The following LRMDA variants were observed in gnomAD, a reference collection of about 807,000 sequenced individuals.
LRMDA encodes the protein leucine rich melanocyte differentiation associated.
Under a neutral mutation model 29.8 loss-of-function variants are expected in LRMDA, and 18 were observed. The ratio of observed to expected loss-of-function variants is 0.60; its 90% CI spans 0.42 to 0.90. LRMDA has a LOEUF of 0.90. Among genes scored for constraint, LRMDA ranks in the 40% least tolerant of loss-of-function variants. The pLI is 0.00. For synonymous variants in LRMDA, 125 were observed against 109.4 expected (o/e 1.14, Z -0.89); for missense variants, 273 against 273.9 (o/e 1.00, Z 0.02).
At chr10:76,474,753 C>G (rs78312761) in intron 6 of LRMDA, among the ~76,000 whole-genome samples, 248 of 151,604 alleles carry the variant, frequency 1.6e-3, no homozygotes, top group African/African-American at 5.1e-3. Context: ...AACTGGAACC[C>G]TCATACATTG....
intron 6 of LRMDA, among the ~76,000 whole-genome samples, chr10:76,372,800 C>T (rs1438072804): frequency 6.6e-6 from 1 of 152,018 alleles, no homozygotes; most frequent in East Asian, 1.9e-4. Flanking sequence ...AGTACCTCAT[C>T]TTGCAATATG....
intron 5 of LRMDA, among the ~76,000 whole-genome samples, chr10:76,177,211 C>T (rs1278775412): frequency 6.6e-6 from 1 of 152,206 alleles, no homozygotes; most frequent in Non-Finnish European, 1.5e-5. Flanking sequence ...AGTACTTTTC[C>T]TTGCAGCTGC....
intron 2 of LRMDA, among the ~76,000 whole-genome samples, chr10:75,586,832 T>TA (rs1840662302): frequency 6.6e-6 from 1 of 151,860 alleles, no homozygotes; most frequent in African/African-American, 2.4e-5. Flanking sequence ...TTTTTTTTTT[T>TA]AACTATTCAG....
chr10:75,968,487 A>C (rs1263782308), intron 2 of LRMDA, among the ~76,000 whole-genome samples: 1 of 152,194 alleles, frequency 6.6e-6, no homozygotes, highest in Non-Finnish European at 1.5e-5. Flanking sequence ...TGATAGAGGG[A>C]AGGCTGCACA....
At chr10:76,022,656 C>G (rs1847994163) in intron 2 of LRMDA, among the ~76,000 whole-genome samples, 1 of 152,148 alleles carries the variant, frequency 6.6e-6, no homozygotes, top group Admixed American at 6.5e-5. Flanking sequence ...AATAATCTTC[C>G]TTACTTTGCT....
chr10:76,542,213 G>A (rs530800151), intron 6 of LRMDA, among the ~76,000 whole-genome samples: 1 of 152,300 alleles, frequency 6.6e-6, no homozygotes, highest in East Asian at 1.9e-4. Flanking sequence ...ATGTATAATA[G>A]ATGACCTGCA....
chr10:76,147,757 C>A (rs1263654781), intron 5 of LRMDA, among the ~76,000 whole-genome samples: 2 of 152,218 alleles, frequency 1.3e-5, no homozygotes, highest in African/African-American at 4.8e-5. Flanking sequence ...GGAGGAGAGG[C>A]ACTCTGCTTT....
chr10:76,026,153 C>T (rs1448316694), intron 2 of LRMDA, among the ~76,000 whole-genome samples: 1 of 152,106 alleles, frequency 6.6e-6, no homozygotes, highest in Non-Finnish European at 1.5e-5. Flanking sequence ...GGAAAAAGAA[C>T]TCGAAAACCA....
At chr10:76,013,686 G>A (rs1271687904) in intron 2 of LRMDA, among the ~76,000 whole-genome samples, 3 of 152,024 alleles carry the variant, frequency 2.0e-5, no homozygotes, top group East Asian at 3.9e-4. Flanking sequence ...GGGGGGGAAG[G>A]CCGAGGAAGA....
chr10:75,473,977 T>C (rs1271199516), intron 2 of LRMDA, among the ~76,000 whole-genome samples: 2 of 152,174 alleles, frequency 1.3e-5, no homozygotes, highest in Non-Finnish European at 2.9e-5. Context: ...GTCCAAGAGT[T>C]TGCATTTCTA....
intron 4 of LRMDA, among the ~76,000 whole-genome samples, chr10:76,051,236 T>C (rs1848526947): frequency 6.6e-6 from 1 of 152,224 alleles, no homozygotes; most frequent in Non-Finnish European, 1.5e-5. Flanking sequence ...ATCTACAATC[T>C]GGGCTTTGAA....
intron 6 of LRMDA, among the ~76,000 whole-genome samples, chr10:76,417,877 G>T (rs1842033416): frequency 6.6e-6 from 1 of 151,938 alleles, no homozygotes; most frequent in Non-Finnish European, 1.5e-5. Context: ...GTAGTAAGGG[G>T]GTCAGTAATT....
chr10:76,426,610 G>C (rs1842128771), intron 6 of LRMDA, among the ~76,000 whole-genome samples: 3 of 152,204 alleles, frequency 2.0e-5, no homozygotes, highest in Admixed American at 6.5e-5. Context: ...AGTTTAATTA[G>C]ATCCCATTTG....
chr10:76,297,988 G>A (rs11001722), intron 5 of LRMDA, among the ~76,000 whole-genome samples: 24,302 of 152,234 alleles, frequency 0.16, 2,134 homozygotes, highest in East Asian at 0.37. Context: ...GACTGAAGTC[G>A]AGGGCTTGCT....
At chr10:76,237,785 CTTTTTTTTTTTT>C in intron 5 of LRMDA, among the ~76,000 whole-genome samples, 1 of 84,118 alleles carries the variant, frequency 1.2e-5, no homozygotes, top group Non-Finnish European at 2.1e-5. Flanking sequence ...GACAAGAGTG[CTTTTTTTTTTTT>C]TTTTTTTTTT....
At chr10:76,228,636 G>T (rs996442946) in intron 5 of LRMDA, among the ~76,000 whole-genome samples, 2 of 152,138 alleles carry the variant, frequency 1.3e-5, no homozygotes, top group African/African-American at 4.8e-5. Flanking sequence ...ACAGGAGTGG[G>T]GTTGGCGAGT....
At chr10:75,588,822 TTAAA>T (rs1292927524) in intron 2 of LRMDA, among the ~76,000 whole-genome samples, 1 of 152,216 alleles carries the variant, frequency 6.6e-6, no homozygotes, top group South Asian at 2.1e-4. Context: ...AGCAAGCATA[TTAAA>T]TATAGATTAT....
intron 2 of LRMDA, among the ~76,000 whole-genome samples, chr10:75,611,083 C>T (rs1008651327): frequency 4.6e-5 from 7 of 151,974 alleles, no homozygotes; most frequent in African/African-American, 1.7e-4. Flanking sequence ...GTGGGGCACT[C>T]AGACAGGGGG....
In LRMDA at chr10:76,324,444, C is replaced by G; in HGVS notation, c.560C>G (p.Thr187Arg). The G allele has an allele frequency of 1.2e-6, 2 of 1,614,122 alleles. No individual in the cohort carries two copies. Among genetic ancestry groups the G allele is most frequent in the Non-Finnish European group, 1.7e-6 (2 of 1,180,022 alleles). Reference protein sequence around the residue: ...DVASSPERHYTPLPSASRELT... With the variant: ...DVASSPERHYRPLPSASRELT... Reference sequence around the variant, plus strand: ...GCCAGCTCCCCGGAGCGCCACTACACGCCCTTGCCTTCTGCTTCCAGGGAA... The same window carrying G: ...GCCAGCTCCCCGGAGCGCCACTACAGGCCCTTGCCTTCTGCTTCCAGGGAA... Residue 187 changes from threonine to arginine, a missense_variant, in exon 6 of 7, where the codon ACG (threonine) becomes AGG (arginine). Physicochemically the swap from Thr to Arg is moderately conservative, Grantham distance 71 (BLOSUM62 -1). Transcript: ENST00000611255.
Sources: gnomAD v4.1 joint callset for allele counts (sites outside exome capture counted in the v4.1 genomes callset) on GRCh38, gnomAD v4.1.1 for gene constraint, MANE v1.5 for transcripts, NCBI Gene and HGNC (gene_info 2026-07-23, HGNC 2026-07-21) for gene names.